The following GLIS3 variants were observed in gnomAD, a reference collection of about 807,000 sequenced individuals.
GLIS3 encodes the protein GLIS family zinc finger 3.
GLIS3 carries 53 observed loss-of-function variants against 78.6 expected under a neutral mutation model. The observed-to-expected ratio is 0.67, with a 90% CI of 0.54 to 0.85. The LOEUF (loss-of-function observed/expected upper bound fraction) is 0.85, where lower values mean the gene tolerates loss of function less well. Ranked by LOEUF, GLIS3 falls within the 40% of genes least tolerant of loss-of-function variation. The pLI is 0.00. For synonymous variants in GLIS3, 684 were observed against 509.9 expected, an observed-to-expected ratio of 1.34 and a Z score of -4.60; for missense variants, 1,703 against 1,231.1, an observed-to-expected ratio of 1.38 and a Z score of -5.74.
At chr9:3,978,803 T>A (rs1588369867) in intron 4 of GLIS3, among the ~76,000 whole-genome samples, 1 of 152,250 alleles carries the variant, frequency 6.6e-6, no homozygotes, top group East Asian at 1.9e-4. Flanking sequence ...TAAAAAAGAT[T>A]TCATATGCAG....
chr9:4,190,930 A>G (rs1462533936), intron 2 of GLIS3, among the ~76,000 whole-genome samples: 2 of 152,146 alleles, frequency 1.3e-5, no homozygotes, highest in African/African-American at 4.8e-5. Flanking sequence ...ATCCAGCCAA[A>G]CTAAGCTTCA....
the GLIS3 span, among the ~76,000 whole-genome samples, chr9:4,398,487 G>C: frequency 6.6e-6 from 1 of 151,922 alleles, no homozygotes; most frequent in Non-Finnish European, 1.5e-5. Flanking sequence ...TGGGGTCGTG[G>C]ACATTGCATT....
the GLIS3 span, among the ~76,000 whole-genome samples, chr9:4,442,474 T>C: frequency 6.6e-6 from 1 of 152,138 alleles, no homozygotes; most frequent in Non-Finnish European, 1.5e-5. Context: ...ACCCTGAGTA[T>C]TCCAGAACTT....
At chr9:4,193,913 C>T (rs549309747) in intron 2 of GLIS3, among the ~76,000 whole-genome samples, 2 of 152,322 alleles carry the variant, frequency 1.3e-5, no homozygotes, top group African/African-American at 4.8e-5. Flanking sequence ...ACATTTTGAC[C>T]AATCATGTGG....
intron 9 of GLIS3, chr9:3,855,617 G>A (rs1819730413): frequency 6.7e-6 from 2 of 297,934 alleles, no homozygotes; most frequent in South Asian, 3.3e-5. Context: ...CTTGAAGGAC[G>A]GAGAGGATGT....
chr9:4,123,692 A>C, intron 3 of GLIS3: 1 of 395,810 alleles, frequency 2.5e-6, no homozygotes, highest in East Asian at 3.6e-5. Flanking sequence ...TTACTAGATC[A>C]ATTTAGTGGA....
intron 6 of GLIS3, chr9:3,901,194 C>A: frequency 6.0e-6 from 1 of 166,246 alleles, no homozygotes; most frequent in Non-Finnish European, 1.3e-5. Flanking sequence ...CGCTGACTCC[C>A]TTTTCAGACT....
intron 2 of GLIS3, among the ~76,000 whole-genome samples, chr9:4,331,753 G>A (rs1458907483): frequency 1.3e-5 from 2 of 152,174 alleles, no homozygotes; most frequent in Non-Finnish European, 2.9e-5. Flanking sequence ...GAATGTCTAA[G>A]GTGAGACCTG....
rs369499201 is a variant in GLIS3, at chr9:3,955,442, T to C, written c.1711-18253A>G. The stretch of plus-strand genomic sequence containing the variant: ...GGCAGACAGGATGGAGGTGTCATGG[T>C]GCCTGAGAAGGAATTTCTGCCCCTG... On this transcript the variant is annotated intron_variant, in intron 4 of 10. Transcript: ENST00000381971. Among the ~76,000 whole-genome samples the C allele has an allele frequency of 3.3e-5, 5 of 152,312 alleles. 1 individual carries two copies. Among genetic ancestry groups the C allele is most frequent in the Admixed American group, 6.5e-5 (1 of 15,300 alleles).
chr9:4,469,246 G>C, the GLIS3 span, among the ~76,000 whole-genome samples: 1 of 152,054 alleles, frequency 6.6e-6, no homozygotes, highest in Non-Finnish European at 1.5e-5. Flanking sequence ...AAGTTAACAA[G>C]GATATCCAGG....
chr9:3,868,309 A>C (rs938250617), intron 8 of GLIS3, among the ~76,000 whole-genome samples: 1 of 152,190 alleles, frequency 6.6e-6, no homozygotes, highest in African/African-American at 2.4e-5. Context: ...AGACCAAGTT[A>C]TTGCTGGATT....
intron 2 of GLIS3, among the ~76,000 whole-genome samples, chr9:4,177,698 T>C (rs977713276): frequency 6.6e-6 from 1 of 152,190 alleles, no homozygotes; most frequent in Non-Finnish European, 1.5e-5. Flanking sequence ...TTGGATGAGT[T>C]TGGAAAGCCA....
At chr9:4,069,814 T>C (rs1009106660) in intron 4 of GLIS3, among the ~76,000 whole-genome samples, 6 of 152,036 alleles carry the variant, frequency 3.9e-5, no homozygotes, top group African/African-American at 1.4e-4. Context: ...TAAAATACCA[T>C]TGTGCATTTT....
At chr9:4,093,945 A>C (rs1176533230) in intron 4 of GLIS3, among the ~76,000 whole-genome samples, 1 of 152,188 alleles carries the variant, frequency 6.6e-6, no homozygotes, top group African/African-American at 2.4e-5. Context: ...TCAACTGTGT[A>C]TTGAATCGAT....
intron 2 of GLIS3, among the ~76,000 whole-genome samples, chr9:4,279,932 T>C (rs1415679857): frequency 2.6e-5 from 4 of 151,928 alleles, no homozygotes; most frequent in African/African-American, 9.6e-5. Context: ...TTAGATAATA[T>C]CATAAATCTG....
At chr9:4,148,986 C>T (rs1834451003) in intron 2 of GLIS3, among the ~76,000 whole-genome samples, 2 of 152,062 alleles carry the variant, frequency 1.3e-5, no homozygotes, top group African/African-American at 4.8e-5. Context: ...TCCCATGAAG[C>T]CCTCCGTGGA....
At chr9:4,441,852 A>G in the GLIS3 span, among the ~76,000 whole-genome samples, 5 of 151,968 alleles carry the variant, frequency 3.3e-5, no homozygotes, top group Non-Finnish European at 7.4e-5. Flanking sequence ...TGATCTGCCC[A>G]CCTCGGCCTC....
intron 2 of GLIS3, among the ~76,000 whole-genome samples, chr9:4,147,929 A>C (rs1834356831): frequency 6.6e-6 from 1 of 152,214 alleles, no homozygotes; most frequent in Non-Finnish European, 1.5e-5. Flanking sequence ...AGGTAAGTCA[A>C]CTTACTGTCG....
Position 4,012,771 on chromosome 9 carries a change from T to A in GLIS3, c.1711-75582A>T, listed in dbSNP as rs796660665. 9.4e-3 allele frequency among the ~76,000 whole-genome samples: 1,272 copies of A among 135,134 alleles called. 23 individuals carry two copies. Among genetic ancestry groups the A allele is most frequent in the African/African-American group, 0.036 (1,199 of 32,856 alleles). 88.7% of individuals were successfully genotyped at this position (135,134 alleles called of 152,430 possible). On this transcript the variant is annotated intron_variant, in intron 4 of 10. Coordinates refer to ENST00000381971, the MANE Select transcript of GLIS3 (RefSeq NM_001042413.2). ...GTTTCTTTTTTTTCTTTTTCTTTTT[T>A]TTTTTTTTTTTTTTTTTTGAGACAG...
Sources: gnomAD v4.1 joint callset for allele counts (sites outside exome capture counted in the v4.1 genomes callset) on GRCh38, gnomAD v4.1.1 for gene constraint, MANE v1.5 for transcripts, NCBI Gene and HGNC (gene_info 2026-07-23, HGNC 2026-07-21) for gene names.